The following IQCJ variants were observed in gnomAD, a reference collection of about 807,000 sequenced individuals.
IQCJ encodes the protein IQ motif containing J, also known as IQ domain-containing protein J.
A neutral mutation model predicts 11.0 loss-of-function variants in IQCJ; 9 were observed. That is an observed-to-expected ratio of 0.82 (90% CI 0.49 to 1.43). The LOEUF is 1.43. IQCJ is among the 40% of genes most tolerant of loss of function. The pLI, the probability that IQCJ is intolerant of heterozygous loss-of-function variation, is 0.00. For synonymous variants in IQCJ, 55 were observed against 51.3 expected (o/e 1.07, Z -0.31); for missense variants, 146 against 133.2 (o/e 1.10, Z -0.47).
intron 1 of IQCJ, among the ~76,000 whole-genome samples, chr3:159,139,144 A>T (rs1314786439): frequency 6.7e-6 from 1 of 148,988 alleles, no homozygotes; most frequent in African/African-American, 2.5e-5. Context: ...ATCAAGGACC[A>T]TTTTTTTTTT....
rs551710908 is a variant in IQCJ at position 159,210,179 on chromosome 3, G to C, written c.10-35664G>C. ...GCAGACAAAAAGGAGTGCCTCGTCT[G>C]TAGGGAATGTAAGAAAACAATAAAA... On this transcript the variant is annotated intron_variant, in intron 1 of 3. Transcript: ENST00000397832. 3.9e-5 allele frequency among the ~76,000 whole-genome samples: 6 copies of C among 152,298 alleles called. No individual in the cohort carries two copies. In the South Asian group the frequency reaches 1.2e-3, roughly 32 times the overall value.
chr3:159,212,187 C>A lies in IQCJ; in HGVS notation c.10-33656C>A, dbSNP rs544797434. Among the ~76,000 whole-genome samples, 85 of 152,004 alleles carry A rather than the reference C, an allele frequency of 5.6e-4. 2 individuals carry two copies. The South Asian group carries it at 0.018, about 32-fold the overall frequency. On this transcript the variant is annotated intron_variant, in intron 1 of 3. Transcript: ENST00000397832. The stretch of plus-strand genomic sequence containing the variant: ...CCTTTTGGATAGGAACAATTATCCC[C>A]CTGCATTAGCTGAATAAATTCTGAG...
At chr3:159,185,123 C>A (rs1723306777) in intron 1 of IQCJ, among the ~76,000 whole-genome samples, 1 of 152,170 alleles carries the variant, frequency 6.6e-6, no homozygotes, top group Non-Finnish European at 1.5e-5. Flanking sequence ...CCATTACAAT[C>A]CATAACAGAA....
At chr3:159,265,350 C>T (rs769246043), downstream of IQCJ, 10 of 1,613,676 alleles carry the variant, frequency 6.2e-6, no homozygotes, top group Non-Finnish European at 8.5e-6. Flanking sequence ...TGGGTTCATA[C>T]ATACTCTCAA....
intron 1 of IQCJ, among the ~76,000 whole-genome samples, chr3:159,199,360 C>T (rs1185972712): frequency 6.6e-6 from 1 of 151,924 alleles, no homozygotes; most frequent in Non-Finnish European, 1.5e-5. Flanking sequence ...GAGGAAGGGC[C>T]CACAAGCCAA....
chr3:159,139,232 C>T (rs749305785), intron 1 of IQCJ, among the ~76,000 whole-genome samples: 1 of 151,766 alleles, frequency 6.6e-6, no homozygotes, highest in Non-Finnish European at 1.5e-5. Context: ...AAAGTGAATC[C>T]TAAGTTCTGT....
intron 1 of IQCJ, among the ~76,000 whole-genome samples, chr3:159,147,390 A>G (rs1577040161): frequency 6.6e-6 from 1 of 152,332 alleles, no homozygotes; most frequent in South Asian, 2.1e-4. Context: ...CTTCCTCATA[A>G]CTTCTATCAT....
At chr3:159,079,488 A>T (rs1229478185) in intron 1 of IQCJ, among the ~76,000 whole-genome samples, 1 of 152,182 alleles carries the variant, frequency 6.6e-6, no homozygotes, top group Non-Finnish European at 1.5e-5. Context: ...CTGAGTTTTT[A>T]AAAATTATTT....
At chr3:159,077,649 A>G (rs753525438) in intron 1 of IQCJ, among the ~76,000 whole-genome samples, 12 of 152,112 alleles carry the variant, frequency 7.9e-5, no homozygotes, top group Non-Finnish European at 1.3e-4. Context: ...ATTTACATCC[A>G]TTTGCTTGTA....
chr3:159,183,497 T>C (rs13083408), intron 1 of IQCJ, among the ~76,000 whole-genome samples: 21,203 of 152,134 alleles, frequency 0.14, 1,672 homozygotes, highest in Middle Eastern at 0.2. Flanking sequence ...TGCCAATGAC[T>C]TCCCCATTTT....
chr3:159,126,877 G>A (rs1348864082), intron 1 of IQCJ, among the ~76,000 whole-genome samples: 3 of 152,058 alleles, frequency 2.0e-5, no homozygotes, highest in Non-Finnish European at 2.9e-5. Context: ...TTTCAGCCTC[G>A]GCTGATCTTG....
intron 1 of IQCJ, among the ~76,000 whole-genome samples, chr3:159,187,786 A>G: frequency 6.6e-6 from 1 of 152,222 alleles, no homozygotes; most frequent in Non-Finnish European, 1.5e-5. Context: ...GAGGTGTAGC[A>G]TCTGACGCCC....
chr3:159,223,409 G>A (rs1369121065), intron 1 of IQCJ, among the ~76,000 whole-genome samples: 1 of 152,168 alleles, frequency 6.6e-6, no homozygotes, highest in Non-Finnish European at 1.5e-5. Context: ...ATTGATCATA[G>A]TCAGTGGTGG....
intron 1 of IQCJ, among the ~76,000 whole-genome samples, chr3:159,224,122 G>C (rs186117727): frequency 1.3e-5 from 2 of 150,694 alleles, no homozygotes; most frequent in African/African-American, 4.9e-5. Flanking sequence ...TGTGTGACAC[G>C]AAGTATATAA....
chr3:159,119,133 G>A (rs1391098514), intron 1 of IQCJ, among the ~76,000 whole-genome samples: 2 of 152,086 alleles, frequency 1.3e-5, no homozygotes, highest in African/African-American at 4.8e-5. Flanking sequence ...CTTACACCTG[G>A]GTATGCTCTT....
At chr3:159,196,729 C>T (rs1724003174) in intron 1 of IQCJ, among the ~76,000 whole-genome samples, 1 of 152,122 alleles carries the variant, frequency 6.6e-6, no homozygotes, top group Admixed American at 6.5e-5. Context: ...GAAGCAGACA[C>T]ATTATTAATT....
At chr3:159,145,306 T>G (rs1461846730) in intron 1 of IQCJ, among the ~76,000 whole-genome samples, 1 of 152,210 alleles carries the variant, frequency 6.6e-6, no homozygotes, top group African/African-American at 2.4e-5. Flanking sequence ...AGACATGAAC[T>G]GTGGAAGGCA....
intron 1 of IQCJ, among the ~76,000 whole-genome samples, chr3:159,073,605 T>G (rs1042508966): frequency 1.3e-5 from 2 of 152,116 alleles, no homozygotes; most frequent in Non-Finnish European, 2.9e-5. Flanking sequence ...TTCAGTCTTA[T>G]CTCTCAGGAA....
At chr3:159,172,804 T>A (rs2108240373) in intron 1 of IQCJ, among the ~76,000 whole-genome samples, 1 of 152,152 alleles carries the variant, frequency 6.6e-6, no homozygotes, top group African/African-American at 2.4e-5. Context: ...GTTGATTTTT[T>A]GGTTTTATGA....
Sources: gnomAD v4.1 joint callset for allele counts (sites outside exome capture counted in the v4.1 genomes callset) on GRCh38, gnomAD v4.1.1 for gene constraint, MANE v1.5 for transcripts, NCBI Gene and HGNC (gene_info 2026-07-23, HGNC 2026-07-21) for gene names.